IGDCC3: variants seen among roughly 807,000 people sequenced by gnomAD.
The protein encoded by IGDCC3 is putative neuronal cell adhesion molecule.
Under a neutral mutation model 72.0 loss-of-function variants are expected in IGDCC3, and 47 were observed. The ratio of observed to expected loss-of-function variants is 0.65; its 90% confidence interval spans 0.52 to 0.83. The LOEUF is 0.83. Ranked by LOEUF, IGDCC3 falls within the 40% of genes least tolerant of loss-of-function variation. The probability of loss-of-function intolerance (pLI) is 0.00; values close to 1 mark genes in which losing one functional copy is unlikely to be tolerated. For missense variants in IGDCC3, 1,038 were observed against 1,091.3 expected (o/e 0.95, Z 0.69); for synonymous variants, 477 against 472.8 (o/e 1.01, Z -0.11).
chr15:65,371,760 C>T (rs1351519402), intron 2 of IGDCC3, among the ~76,000 whole-genome samples: 1 of 152,194 alleles, frequency 6.6e-6, no homozygotes, highest in Non-Finnish European at 1.5e-5. Flanking sequence ...CCATCCTCCT[C>T]CCTGTAGCTA....
intron 10 of IGDCC3, 49 bp from the exon 11 acceptor site, chr15:65,330,446 C>A: frequency 3.8e-6 from 6 of 1,582,916 alleles, no homozygotes; most frequent in Non-Finnish European, 5.2e-6. Context: ...CAACCACGTG[C>A]CCTGTCCTAG....
At chr15:65,355,660 G>GCCC in intron 2 of IGDCC3, 1 of 113,946 alleles carries the variant, frequency 8.8e-6, no homozygotes, top group South Asian at 5.1e-5. Context: ...CGGGCGTCCC[G>GCCC]CCCCCCCGCC....
chr15:65,329,056 C>G lies in IGDCC3; in HGVS notation c.2298G>C (p.Glu766Asp). The change falls in exon 14 of 14, where the codon GAG becomes GAC. Residue 766 changes from glutamate to aspartate, a missense_variant. By Grantham distance (45) the Glu-to-Asp change is conservative. Coordinates refer to ENST00000327987, the MANE Select transcript of IGDCC3 (RefSeq NM_004884.4). The surrounding 1 kb of genome is among the most constrained non-coding windows in gnomAD (Gnocchi z 4.1). ...GCGLMEGKTT[E>D]AKTTEATAPC... is the part of the protein sequence containing the mutation. ...GAGCCGTGGCCTCTGTGGTCTTCGC[C>G]TCCGTCGTCTTCCCCTCCATCAGGC... 2 of 1,612,028 alleles carry G rather than the reference C, an allele frequency of 1.2e-6. No homozygotes were observed. Among genetic ancestry groups the G allele is most frequent in the Non-Finnish European group, 8.5e-7 (1 of 1,179,260 alleles).
At chr15:65,372,841 A>T (rs1007985945) in intron 2 of IGDCC3, among the ~76,000 whole-genome samples, 2 of 152,210 alleles carry the variant, frequency 1.3e-5, no homozygotes, top group African/African-American at 4.8e-5. Context: ...GTTTCTAGGG[A>T]CATCAGCCTG....
At position 65,355,804 on chromosome 15, in the gene IGDCC3, G is replaced by T. The variant is rs772497665; in HGVS notation, c.409+19293C>A. 31 of 452,502 alleles carry T rather than the reference G, an allele frequency of 6.9e-5. No homozygotes were observed. The Middle Eastern group carries it at 4.2e-3, about 62-fold the overall frequency. The allele number at this position is 452,502 out of a possible 1,614,324, so 28.0% of individuals were successfully genotyped here. On this transcript the variant is annotated intron_variant, in intron 2 of 13. Transcript: ENST00000327987. ...AATAAGACAGCCATTGTCCTCGCAC[G>T]CCAAACGAGGGTTTGATGTCGCTGG...
chr15:65,334,946 C>A (rs972737013), intron 4 of IGDCC3, 81 bp from the exon 5 acceptor site: 10 of 1,460,214 alleles, frequency 6.8e-6, no homozygotes, highest in South Asian at 5.5e-5. Flanking sequence ...CAGGACACAG[C>A]GGGTGGGAAA....
intron 2 of IGDCC3, among the ~76,000 whole-genome samples, chr15:65,352,615 T>C (rs989895048): frequency 6.6e-6 from 1 of 152,326 alleles, no homozygotes; most frequent in African/African-American, 2.4e-5. Context: ...ACCCAATTCA[T>C]AGGTATTTGA....
intron 9 of IGDCC3, 128 bp from the exon 10 acceptor site, chr15:65,330,869 T>C (rs2090971020): frequency 1.9e-6 from 2 of 1,079,674 alleles, no homozygotes; most frequent in Non-Finnish European, 2.6e-6. Context: ...CATGTGCTTA[T>C]GAAAGCAGCA....
intron 2 of IGDCC3, among the ~76,000 whole-genome samples, chr15:65,337,418 C>T (rs906167828): frequency 7.9e-5 from 12 of 152,116 alleles, no homozygotes; most frequent in South Asian, 6.2e-4. Context: ...ACTGCTGCGG[C>T]GGGTGTGTAC....
In IGDCC3 at chr15:65,331,038, C is replaced by T; in HGVS notation, c.1561+12G>A. ...AGTGCCTGTGGTTTTGTGCTCCACACCCAGGCCTCACCTTCACCCAGGGTG... is the reference window on the plus strand; with the variant it reads ...AGTGCCTGTGGTTTTGTGCTCCACATCCAGGCCTCACCTTCACCCAGGGTG... On this transcript the variant is annotated intron_variant, in intron 9 of 13. Coordinates refer to ENST00000327987, the MANE Select transcript of IGDCC3 (RefSeq NM_004884.4). 3 of 1,612,406 alleles carry T rather than the reference C, an allele frequency of 1.9e-6. No individual in the cohort carries two copies. The highest frequency in any genetic ancestry group is 2.5e-6 in the Non-Finnish European group (3 of 1,179,132).
chr15:65,353,968 C>T (rs185390826), intron 2 of IGDCC3, among the ~76,000 whole-genome samples: 27 of 152,226 alleles, frequency 1.8e-4, no homozygotes, highest in African/African-American at 5.3e-4. Flanking sequence ...TGCAGTGGCG[C>T]GATCTCAGTT....
Position 65,335,342 on chromosome 15 carries a change from AG to A in IGDCC3, c.633del (p.Ser212GlnfsTer38). On this transcript the variant is annotated frameshift_variant, in exon 4 of 14. Transcript: ENST00000327987. LOFTEE classifies it high-confidence loss of function. ...AEDGGIFHCV[A>X]SNIASIRISH... is the part of the protein sequence containing the mutation. ...CTGATCCGGATACTGGCGATGTTTG[AG>A]GCCACACAGTGGAAGATGCCACCGT... The A allele has an allele frequency of 6.2e-7, 1 of 1,613,828 alleles. No homozygotes were observed. The highest frequency in any genetic ancestry group is 8.5e-7 in the Non-Finnish European group (1 of 1,179,864).
At chr15:65,343,606 C>CG (rs2091101292) in intron 2 of IGDCC3, among the ~76,000 whole-genome samples, 1 of 152,070 alleles carries the variant, frequency 6.6e-6, no homozygotes, top group African/African-American at 2.4e-5. Context: ...AGGCTCATTC[C>CG]GGGGGTTGGA....
intron 2 of IGDCC3, among the ~76,000 whole-genome samples, chr15:65,345,558 G>A (rs916202881): frequency 1.4e-4 from 21 of 145,756 alleles, no homozygotes; most frequent in Non-Finnish European, 2.7e-4. Context: ...TGTCTCACAC[G>A]CACACACACA....
Position 65,335,315 on chromosome 15 carries a change from G to C in IGDCC3, c.661C>G (p.His221Asp). The change falls in exon 4 of 14, where the codon CAC becomes GAC. Residue 221 changes from histidine to aspartate, a missense_variant. Coordinates refer to ENST00000327987, the MANE Select transcript of IGDCC3 (RefSeq NM_004884.4). Reference protein sequence around the residue: ...ASNIASIRISHGARLTVSGSG... With the variant: ...ASNIASIRISDGARLTVSGSG... ...CCTGACACAGTGAGCCTGGCCCCGTGGCTGATCCGGATACTGGCGATGTTT... is the reference window on the plus strand; with the variant it reads ...CCTGACACAGTGAGCCTGGCCCCGTCGCTGATCCGGATACTGGCGATGTTT... The C allele has an allele frequency of 1.2e-6, 2 of 1,613,014 alleles. No individual in the cohort carries two copies. Among genetic ancestry groups the C allele is most frequent in the East Asian group, 4.5e-5 (2 of 44,884 alleles).
At chr15:65,371,351 G>A (rs891554770) in intron 2 of IGDCC3, among the ~76,000 whole-genome samples, 1 of 150,348 alleles carries the variant, frequency 6.7e-6, no homozygotes, top group African/African-American at 2.5e-5. Flanking sequence ...CCTGCCAAGG[G>A]CACTGATCAT....
At position 65,371,424 on chromosome 15, in the gene IGDCC3, C is replaced by T. The variant is rs371264490; in HGVS notation, c.409+3673G>A. Reference sequence around the variant, plus strand: ...GGCCCTGAAGCCCTTGTTCCAAAGGCTTCACTATGCTGCCTGAAAATCCCC... The same window carrying T: ...GGCCCTGAAGCCCTTGTTCCAAAGGTTTCACTATGCTGCCTGAAAATCCCC... On this transcript the variant is annotated intron_variant, in intron 2 of 13. Coordinates refer to ENST00000327987, the MANE Select transcript of IGDCC3 (RefSeq NM_004884.4). Among the ~76,000 whole-genome samples the T allele has an allele frequency of 5.3e-5, 8 of 152,344 alleles. No individual in the cohort carries two copies. The South Asian group carries it at 8.3e-4, about 16-fold the overall frequency.
At chr15:65,345,579 C>T (rs575753006) in intron 2 of IGDCC3, among the ~76,000 whole-genome samples, 5 of 150,594 alleles carry the variant, frequency 3.3e-5, no homozygotes, top group East Asian at 3.9e-4. Flanking sequence ...CACACACACA[C>T]GCACACACAC....
chr15:65,334,548 C>T (rs1000095218), intron 5 of IGDCC3, 180 bp downstream of exon 5: 2 of 611,462 alleles, frequency 3.3e-6, no homozygotes, highest in Non-Finnish European at 2.7e-6. Context: ...AGGCGGGCCT[C>T]CCTGGTCCTT....
Sources: allele counts gnomAD v4.1 joint callset (sites outside exome capture counted in the v4.1 genomes callset), GRCh38; gene constraint gnomAD v4.1.1; non-coding constraint Gnocchi (gnomAD v3.1); transcripts MANE v1.5; gene names NCBI Gene and HGNC (gene_info 2026-07-23, HGNC 2026-07-21).